Variants in FMNL3 observed in about 807,000 individuals in gnomAD.
The protein encoded by FMNL3 is formin like 3, also known as formin-like protein 3.
In FMNL3, 57 loss-of-function variants were observed where a neutral mutation model predicts 119.6. The ratio of observed to expected loss-of-function variants is 0.48; its 90% CI spans 0.39 to 0.59. FMNL3 has a LOEUF of 0.59. FMNL3 is among the 20% of genes least tolerant of loss of function. FMNL3 has a pLI of 0.00. For missense variants in FMNL3, 1,053 were observed against 1,323.5 expected (o/e 0.80, Z 3.17); for synonymous variants, 491 against 507.3 (o/e 0.97, Z 0.43).
intron 4 of FMNL3, among the ~76,000 whole-genome samples, 180 bp downstream of exon 4, chr12:49,665,652 T>C (rs1197067234): frequency 1.3e-5 from 2 of 151,560 alleles, no homozygotes; most frequent in Admixed American, 6.6e-5. Flanking sequence ...GCTGAGGGGG[T>C]AGAAAAGCCA....
Position 49,649,708 on chromosome 12 carries a change from G to C in FMNL3, c.2218C>G (p.Leu740Val). The change falls in exon 18 of 26, where the codon CTG becomes GTG. Residue 740 changes from leucine to valine, a missense_variant. Physicochemically the swap from Leu to Val is conservative, Grantham distance 32. Transcript: ENST00000335154. The surrounding 1 kb of genome is among the most constrained non-coding windows in gnomAD (Gnocchi z 5.6). The stretch of plus-strand genomic sequence containing the variant: ...GGCTGTACCGGTGTGAGCATCTGCA[G>C]GTTATCCTGGAAGTTCCCCAGGAAG... The part of the protein sequence containing the change: ...MAFLGNFQDN[L>V]QMLTPQLNAI... 6.2e-7 allele frequency: 1 copy of C among 1,614,138 alleles called. No individual in the cohort carries two copies. The highest frequency in any genetic ancestry group is 8.5e-7 in the Non-Finnish European group (1 of 1,180,004).
chr12:49,673,637 T>C (rs1944104402), intron 1 of FMNL3, among the ~76,000 whole-genome samples: 1 of 152,282 alleles, frequency 6.6e-6, no homozygotes, highest in Non-Finnish European at 1.5e-5. Context: ...CCTTGGCCCC[T>C]TGGCGGCCAC....
chr12:49,650,007 A>ACACTTTGTGTTTGTATTCAG, intron 17 of FMNL3, 82 bp from the exon 18 acceptor site: 1 of 1,225,602 alleles, frequency 8.2e-7, no homozygotes, highest in Non-Finnish European at 1.1e-6. Flanking sequence ...AGCTCCTAGA[A>ACACTTTGTGTTTGTATTCAG]GAACTGGACA....
chr12:49,695,571 T>C (rs751606885), intron 1 of FMNL3, among the ~76,000 whole-genome samples: 135 of 152,284 alleles, frequency 8.9e-4, no homozygotes, highest in Non-Finnish European at 1.7e-3. Flanking sequence ...AGATAAAACA[T>C]GTCAAAGTAC....
intron 2 of FMNL3, among the ~76,000 whole-genome samples, chr12:49,666,590 G>T (rs1239419789): frequency 6.6e-6 from 1 of 152,136 alleles, no homozygotes; most frequent in African/African-American, 2.4e-5. Context: ...CCAGGAGTTT[G>T]AGAATAGTCT....
chr12:49,649,462 C>T lies in FMNL3; in HGVS notation c.2304+8G>A. On this transcript the variant is annotated splice_region_variant and intron_variant, in intron 19 of 25. Coordinates refer to ENST00000335154, the MANE Select transcript of FMNL3 (RefSeq NM_175736.5). This position sits in a 1 kb window ranked among gnomAD's most constrained non-coding sequence, Gnocchi z 5.6. ...CCCCCAGCACCCCTGTTCACAACCT[C>T]TTCCCACCTCCAACATCTGCTTCAG... is the stretch of plus-strand genomic sequence containing the variant. 1.2e-6 allele frequency: 2 copies of T among 1,614,110 alleles called. No homozygotes were observed. The highest frequency in any genetic ancestry group is 1.7e-6 in the Non-Finnish European group (2 of 1,180,030).
In FMNL3 at chr12:49,637,601, C is replaced by A; in HGVS notation, c.*8214G>T. 2.5e-6 allele frequency: 4 copies of A among 1,607,276 alleles called. No individual in the cohort carries two copies. The highest frequency in any genetic ancestry group is 2.6e-6 in the Non-Finnish European group (3 of 1,174,876). ...GCCAGCCGGGTAAGGCAGCCAGGCT[C>A]CCCCTTCTCTGGCCTGGCTTCCTGC... is the stretch of plus-strand genomic sequence containing the variant. On this transcript the variant is annotated 3_prime_UTR_variant, in exon 26 of 26. Transcript: ENST00000335154.
chr12:49,684,405 C>T (rs1944408958), intron 1 of FMNL3, among the ~76,000 whole-genome samples: 2 of 152,176 alleles, frequency 1.3e-5, no homozygotes, highest in African/African-American at 2.4e-5. Flanking sequence ...TGCTTTTGTA[C>T]TGTTATGACA....
At chr12:49,693,788 A>C (rs556052975) in intron 1 of FMNL3, among the ~76,000 whole-genome samples, 25 of 151,352 alleles carry the variant, frequency 1.7e-4, no homozygotes, top group African/African-American at 4.9e-4. Context: ...AGCTGGGATT[A>C]CAGGCACGCA....
intron 1 of FMNL3, among the ~76,000 whole-genome samples, chr12:49,685,936 G>A (rs1275508177): frequency 3.0e-4 from 45 of 151,778 alleles, no homozygotes; most frequent in Admixed American, 2.8e-3. Context: ...GCTTGGTGGC[G>A]GGCGCCTGTA....
At position 49,647,214 on chromosome 12, in the gene FMNL3, A is replaced by AC; in HGVS notation, c.2871+61dup. On this transcript the variant is annotated intron_variant, in intron 24 of 25. Transcript: ENST00000335154. This position sits in a 1 kb window ranked among gnomAD's most constrained non-coding sequence, Gnocchi z 4.9. ...AGTTTTCATCTCCTCTAGCCTTCTG[A>AC]CCCCCAGCCCCCACTCTTTTGCCTT... 1 of 1,596,102 alleles carries AC rather than the reference A, an allele frequency of 6.3e-7. No homozygotes were observed. Among genetic ancestry groups the AC allele is most frequent in the Non-Finnish European group, 8.6e-7 (1 of 1,165,786 alleles).
Position 49,637,702 on chromosome 12 carries a change from C to A in FMNL3, c.*8113G>T. 6.6e-7 allele frequency: 1 copy of A among 1,507,838 alleles called. No homozygotes were observed. Among genetic ancestry groups the A allele is most frequent in the Non-Finnish European group, 9.1e-7 (1 of 1,094,754 alleles). 93.4% of individuals were successfully genotyped at this position (1,507,838 alleles called of 1,614,324 possible). A position where few individuals can be genotyped will look rare whatever the true frequency, so the allele number is the denominator to read the frequency against. On this transcript the variant is annotated 3_prime_UTR_variant, in exon 26 of 26. Transcript: ENST00000335154. The stretch of plus-strand genomic sequence containing the variant: ...CCCCCAGGCCTTGGGAAGCTGCCGC[C>A]CGCCAGGCCCCCCTCCCTCCCTCCT...
In FMNL3 at chr12:49,641,938, G is replaced by A; in HGVS notation, c.*3877C>T. On this transcript the variant is annotated 3_prime_UTR_variant, in exon 26 of 26. Transcript: ENST00000335154. ...GGGCTTCTGCGTGGAGGTGAACACG[G>A]CCTTTGAGGACTTCGCCCACGTCAT... The A allele has an allele frequency of 6.2e-7, 1 of 1,613,758 alleles. No homozygotes were observed.
At position 49,637,332 on chromosome 12, in the gene FMNL3, C is replaced by A; in HGVS notation, c.*8483G>T. 1.6e-6 allele frequency: 1 copy of A among 634,314 alleles called. No individual in the cohort carries two copies. Among genetic ancestry groups the A allele is most frequent in the Non-Finnish European group, 2.8e-6 (1 of 354,992 alleles). 39.3% of individuals were successfully genotyped at this position (634,314 alleles called of 1,614,324 possible). ...TCTCAGCCTTCCATCTGCATCTCTT[C>A]ATCTCTGCCTCTCTTGCCTGCATTT... is the stretch of plus-strand genomic sequence containing the variant. On this transcript the variant is annotated 3_prime_UTR_variant, in exon 26 of 26. Coordinates refer to ENST00000335154, the MANE Select transcript of FMNL3 (RefSeq NM_175736.5).
In FMNL3 at chr12:49,637,396, C is replaced by A; in HGVS notation, c.*8419G>T. 2 of 1,004,282 alleles carry A rather than the reference C, an allele frequency of 2.0e-6. No individual in the cohort carries two copies. Among genetic ancestry groups the A allele is most frequent in the Non-Finnish European group, 3.1e-6 (2 of 648,308 alleles). The allele number at this position is 1,004,282 out of a possible 1,614,324, so 62.2% of individuals were successfully genotyped here. On this transcript the variant is annotated 3_prime_UTR_variant, in exon 26 of 26. Transcript: ENST00000335154. ...TGTCCCTGCCTCTTCCTCTGCCATT[C>A]CCTCTCTTCCCCCTCAGTCTGTGGC...
At chr12:49,700,949 G>C (rs1251043540) in intron 1 of FMNL3, among the ~76,000 whole-genome samples, 2 of 150,414 alleles carry the variant, frequency 1.3e-5, no homozygotes, top group East Asian at 3.9e-4. Context: ...CGTGGTGGTG[G>C]GCGTCTGTAA....
intron 4 of FMNL3, among the ~76,000 whole-genome samples, chr12:49,662,765 A>G (rs925601855): frequency 1.3e-5 from 2 of 152,186 alleles, no homozygotes; most frequent in East Asian, 1.9e-4. Flanking sequence ...CCTAAGGACC[A>G]TATCCCAGGG....
intron 1 of FMNL3, among the ~76,000 whole-genome samples, chr12:49,671,357 T>C (rs1944041900): frequency 6.6e-6 from 1 of 152,242 alleles, no homozygotes; most frequent in Non-Finnish European, 1.5e-5. Flanking sequence ...GGTCTGACCA[T>C]AGCCATATCC....
rs59799899 is a variant in FMNL3 at position 49,704,710 on chromosome 12, C to CAA, written c.126+2343_126+2344dup. 1.5e-3 allele frequency among the ~76,000 whole-genome samples: 58 copies of CAA among 37,822 alleles called. 1 individual carries two copies. The highest frequency in any genetic ancestry group is 0.017 in the Middle Eastern group (1 of 58). The allele number at this position is 37,822 out of a possible 152,430, so 24.8% of individuals were successfully genotyped here. A position where few individuals can be genotyped will look rare whatever the true frequency, so the allele number is the denominator to read the frequency against. On this transcript the variant is annotated intron_variant, in intron 1 of 25. Coordinates refer to ENST00000335154, the MANE Select transcript of FMNL3 (RefSeq NM_175736.5). Reference sequence around the variant, plus strand: ...TGGATGACAGAGCCAAACTCCATCTCAAAAAAAAAAAAAAAAAAAAAAAAA... The same window carrying CAA: ...TGGATGACAGAGCCAAACTCCATCTCAAAAAAAAAAAAAAAAAAAAAAAAAAA...
Sources: allele counts gnomAD v4.1 joint callset (sites outside exome capture counted in the v4.1 genomes callset), GRCh38; gene constraint gnomAD v4.1.1; non-coding constraint Gnocchi (gnomAD v3.1); transcripts MANE v1.5; gene names NCBI Gene and HGNC (gene_info 2026-07-23, HGNC 2026-07-21).